Variants in TSC22D1 observed in about 807,000 individuals in gnomAD.
The protein encoded by TSC22D1 is TSC22 domain family protein 1.
TSC22D1 carries 9 observed loss-of-function variants against 74.2 expected under a neutral mutation model. That is an observed-to-expected ratio of 0.12 (90% confidence interval 0.07 to 0.21). TSC22D1 has a LOEUF of 0.21. Ranked by LOEUF, TSC22D1 falls within the 10% of genes least tolerant of loss-of-function variation. The pLI is 1.00. For synonymous variants in TSC22D1, 586 were observed against 492.5 expected (o/e 1.19, Z -2.51); for missense variants, 1,427 against 1,304.7 (o/e 1.09, Z -1.44).
At chr13:44,444,466 T>C (rs1875474521) in intron 1 of TSC22D1, among the ~76,000 whole-genome samples, 1 of 151,434 alleles carries the variant, frequency 6.6e-6, no homozygotes, top group Non-Finnish European at 1.5e-5. Context: ...AAAACACAAA[T>C]AGGTACAATA....
At chr13:44,438,212 A>C (rs1194465799) in intron 1 of TSC22D1, among the ~76,000 whole-genome samples, 2 of 152,194 alleles carry the variant, frequency 1.3e-5, no homozygotes. Flanking sequence ...AAAAATCTAC[A>C]AAGTACTTGG....
rs1367554617 is a variant in TSC22D1, at chr13:44,573,307, C to A, written c.2768G>T (p.Gly923Val). Residue 923 changes from glycine (G) to valine (V), a missense_variant, in exon 1 of 3, where the codon GGC (glycine) becomes GTC (valine). By Grantham distance (109) the Gly-to-Val change is moderately radical. Transcript: ENST00000458659. ...ARRAAEPSLV[G>V]LPQTISGDSG... Reference sequence around the variant, plus strand: ...GTCACCACTGATAGTCTGAGGTAAGCCAACTAAGGAGGGCTCCGCTGCACG... The same window carrying A: ...GTCACCACTGATAGTCTGAGGTAAGACAACTAAGGAGGGCTCCGCTGCACG... 1.2e-6 allele frequency: 2 copies of A among 1,614,222 alleles called. No individual in the cohort carries two copies. Among genetic ancestry groups the A allele is most frequent in the East Asian group, 2.2e-5 (1 of 44,886 alleles).
intron 1 of TSC22D1, among the ~76,000 whole-genome samples, chr13:44,440,730 C>A (rs964452318): frequency 2.0e-5 from 3 of 151,786 alleles, no homozygotes; most frequent in African/African-American, 4.8e-5. Flanking sequence ...TGTTCCAGAA[C>A]TGAAGGACAC....
chr13:44,434,393 T>C lies in TSC22D1; in HGVS notation c.*233A>G. 1 of 1,374,002 alleles carries C rather than the reference T, an allele frequency of 7.3e-7. No homozygotes were observed. Among genetic ancestry groups the C allele is most frequent in the Non-Finnish European group, 9.3e-7 (1 of 1,073,140 alleles). 85.1% of individuals were successfully genotyped at this position (1,374,002 alleles called of 1,614,324 possible). A position where few individuals can be genotyped will look rare whatever the true frequency, so the allele number is the denominator to read the frequency against. On this transcript the variant is annotated 3_prime_UTR_variant, in exon 3 of 3. Transcript: ENST00000458659. ...TCTGCCAAGCTGCATGAGGTCCCGG[T>C]ATATCCATGCTAATTCTCGGATTAA...
chr13:44,537,598 G>GA, intron 1 of TSC22D1: 1 of 984,180 alleles, frequency 1.0e-6, no homozygotes, highest in South Asian at 4.7e-5. Flanking sequence ...ATGGACAGTT[G>GA]TTTTTTTTAA....
At chr13:44,577,008 G>A (rs1884295038), upstream of TSC22D1, 1 of 152,632 alleles carries the variant, frequency 6.6e-6, no homozygotes, top group Non-Finnish European at 1.5e-5. Flanking sequence ...CTAGGGCGGA[G>A]GGTGCGACCC....
intron 1 of TSC22D1, among the ~76,000 whole-genome samples, chr13:44,521,207 G>A (rs906773596): frequency 3.3e-5 from 5 of 152,082 alleles, no homozygotes; most frequent in African/African-American, 1.2e-4. Context: ...GGGACTTCTA[G>A]GACGCTAACC....
intron 1 of TSC22D1, among the ~76,000 whole-genome samples, chr13:44,557,810 C>CT (rs1313114453): frequency 2.6e-5 from 4 of 152,144 alleles, no homozygotes; most frequent in African/African-American, 9.7e-5. Context: ...TCTGAGACCA[C>CT]TAGAAGGCCA....
chr13:44,540,133 T>C (rs1019449529), intron 1 of TSC22D1: 5 of 359,016 alleles, frequency 1.4e-5, no homozygotes, highest in African/African-American at 8.5e-5. Context: ...GGGACCTGTA[T>C]TGGTCTAAGC....
chr13:44,509,941 GAAAAT>G (rs1367055638), intron 1 of TSC22D1, among the ~76,000 whole-genome samples: 1 of 7,000 alleles, frequency 1.4e-4, no homozygotes, highest in Non-Finnish European at 2.9e-4. Flanking sequence ...TGTCAAACTA[GAAAAT>G]AAGCAAAAAA....
chr13:44,466,447 A>G (rs1877288728), intron 1 of TSC22D1, among the ~76,000 whole-genome samples: 1 of 152,256 alleles, frequency 6.6e-6, no homozygotes, highest in Admixed American at 6.5e-5. Flanking sequence ...CTTGGTAATC[A>G]GAGTCACAGG....
chr13:44,481,382 G>A (rs371780692), intron 1 of TSC22D1, among the ~76,000 whole-genome samples: 3 of 152,112 alleles, frequency 2.0e-5, no homozygotes, highest in African/African-American at 7.2e-5. Context: ...GGGTGGTTCT[G>A]GTTCACTTAG....
At chr13:44,524,702 A>C (rs1236590793) in intron 1 of TSC22D1, among the ~76,000 whole-genome samples, 1 of 152,098 alleles carries the variant, frequency 6.6e-6, no homozygotes, top group Non-Finnish European at 1.5e-5. Flanking sequence ...ATGCCCAGCT[A>C]ATTTTTGTAT....
chr13:44,575,412 A>ATGGAGG lies in TSC22D1; in HGVS notation c.657_662dup (p.Leu220_His221dup). 5 of 1,613,898 alleles carry ATGGAGG rather than the reference A, an allele frequency of 3.1e-6. No individual in the cohort carries two copies. Among genetic ancestry groups the ATGGAGG allele is most frequent in the Non-Finnish European group, 4.2e-6 (5 of 1,179,896 alleles). Reference sequence around the variant, plus strand: ...GCCCATGATGAATCTGATGGTGGTGATGGAGGTGGTGTGGATGAGCATTCC... The same window carrying ATGGAGG: ...GCCCATGATGAATCTGATGGTGGTGATGGAGGTGGAGGTGGTGTGGATGAGCATTCC... On this transcript the variant is annotated inframe_insertion, in exon 1 of 3. Coordinates refer to ENST00000458659, the MANE Select transcript of TSC22D1 (RefSeq NM_183422.4).
intron 1 of TSC22D1, among the ~76,000 whole-genome samples, chr13:44,522,662 C>T (rs1880371231): frequency 6.6e-6 from 1 of 152,152 alleles, no homozygotes; most frequent in Non-Finnish European, 1.5e-5. Flanking sequence ...CAACACTGAC[C>T]TTTTATCTTT....
chr13:44,576,153 G>C lies in TSC22D1; in HGVS notation c.-79C>G. On this transcript the variant is annotated 5_prime_UTR_variant, in exon 1 of 3. Transcript: ENST00000458659. ...TAATCTTTGTATTGGAGACGCCGGA[G>C]AGGAAAACGGGACCTGACGCTCCGC... The C allele has an allele frequency of 7.2e-7, 1 of 1,395,254 alleles. No individual in the cohort carries two copies. The highest frequency in any genetic ancestry group is 9.3e-7 in the Non-Finnish European group (1 of 1,076,974). 86.4% of individuals were successfully genotyped at this position (1,395,254 alleles called of 1,614,324 possible).
At chr13:44,554,818 C>T (rs1417179257) in intron 1 of TSC22D1, among the ~76,000 whole-genome samples, 5 of 152,042 alleles carry the variant, frequency 3.3e-5, no homozygotes, top group Non-Finnish European at 5.9e-5. Flanking sequence ...TTATTATCAC[C>T]AAATCCCCTC....
At position 44,574,192 on chromosome 13, in the gene TSC22D1, T is replaced by C. The variant is rs1441447010; in HGVS notation, c.1883A>G (p.Gln628Arg). The change falls in exon 1 of 3, where the codon CAG becomes CGG. Residue 628 changes from glutamine to arginine, a missense_variant. Physicochemically the swap from Gln to Arg is conservative, Grantham distance 43. Transcript: ENST00000458659. ...LPGAPPPQQL[Q>R]YGQQQPMVST... ...AACCATTGGTTGCTGTTGTCCATAC[T>C]GTAACTGTTGGGGTGGTGGTGCCCC... 6.2e-7 allele frequency: 1 copy of C among 1,614,004 alleles called. No homozygotes were observed. Among genetic ancestry groups the C allele is most frequent in the Admixed American group, 1.7e-5 (1 of 59,998 alleles).
intron 1 of TSC22D1, among the ~76,000 whole-genome samples, chr13:44,504,299 A>T (rs1458013280): frequency 1.3e-5 from 2 of 149,632 alleles, no homozygotes; most frequent in Non-Finnish European, 3.0e-5. Context: ...GTCTCTCTTA[A>T]AAGTCTCAAG....
Sources: allele counts gnomAD v4.1 joint callset (sites outside exome capture counted in the v4.1 genomes callset), GRCh38; gene constraint gnomAD v4.1.1; transcripts MANE v1.5; gene names NCBI Gene and HGNC (gene_info 2026-07-23, HGNC 2026-07-21).